GLI3: variants seen among roughly 807,000 people sequenced by gnomAD.
GLI3 encodes the protein GLI family zinc finger 3.
Under a neutral mutation model 100.8 loss-of-function variants are expected in GLI3, and 20 were observed. That is an observed-to-expected ratio of 0.20 (90% confidence interval 0.14 to 0.29). GLI3 has a LOEUF of 0.29. GLI3 is among the 10% of genes least tolerant of loss of function. GLI3 has a pLI of 1.00. For synonymous variants in GLI3, 938 were observed against 860.5 expected (o/e 1.09, Z -1.58); for missense variants, 2,040 against 2,128.5 (o/e 0.96, Z 0.82).
chr7:42,122,239 T>C (rs917127399), intron 3 of GLI3, among the ~76,000 whole-genome samples: 1 of 135,218 alleles, frequency 7.4e-6, no homozygotes, highest in Admixed American at 8.4e-5. Flanking sequence ...ATATATGTAT[T>C]TTATTGAAAA....
At chr7:42,143,591 G>A (rs1236003647) in intron 3 of GLI3, among the ~76,000 whole-genome samples, 1 of 152,164 alleles carries the variant, frequency 6.6e-6, no homozygotes, top group East Asian at 1.9e-4. Context: ...CAGTTTTTTA[G>A]CACACAAGAA....
chr7:42,096,023 G>A (rs1348393024), intron 3 of GLI3, among the ~76,000 whole-genome samples: 2 of 152,170 alleles, frequency 1.3e-5, no homozygotes, highest in Non-Finnish European at 2.9e-5. Context: ...GCCAGAGGGA[G>A]GAGGCAGTTT....
chr7:42,182,660 A>ATATATACATGTG (rs1554337053), intron 2 of GLI3, among the ~76,000 whole-genome samples: 59 of 59,106 alleles, frequency 1.0e-3, no homozygotes, highest in East Asian at 6.3e-3. Context: ...ATATATATAT[A>ATATATACATGTG]TATATATATA....
chr7:42,019,947 T>C (rs1194350326), intron 10 of GLI3, among the ~76,000 whole-genome samples: 7 of 152,118 alleles, frequency 4.6e-5, no homozygotes, highest in East Asian at 3.9e-4. Context: ...AGTAAATTTA[T>C]GACAAATTTA....
In GLI3 at chr7:42,127,844, T is replaced by TA. The variant is rs956811394; in HGVS notation, c.367+20381dup. On this transcript the variant is annotated intron_variant, in intron 3 of 14. Transcript: ENST00000395925. ...GCAACATGGCAAAACTCTATCTCTA[T>TA]AAAAAAAATACAAAATTATTAGCCA... 5.9e-5 allele frequency among the ~76,000 whole-genome samples: 9 copies of TA among 151,328 alleles called. No homozygotes were observed. In the South Asian group the frequency reaches 6.3e-4, roughly 11 times the overall value.
intron 4 of GLI3, among the ~76,000 whole-genome samples, chr7:42,057,077 C>G (rs867090564): frequency 7.9e-5 from 12 of 151,946 alleles, no homozygotes; most frequent in Admixed American, 2.0e-4. Flanking sequence ...AAAGAAATAG[C>G]CATTCACTCT....
chr7:42,100,077 T>C (rs144158162), intron 3 of GLI3, among the ~76,000 whole-genome samples: 81 of 152,376 alleles, frequency 5.3e-4, no homozygotes, highest in African/African-American at 1.6e-3. Context: ...AGCTTTCTCA[T>C]AGCAAGTGGG....
chr7:42,022,345 C>T (rs1414154554), intron 10 of GLI3, among the ~76,000 whole-genome samples: 4 of 152,026 alleles, frequency 2.6e-5, no homozygotes, highest in Non-Finnish European at 4.4e-5. Flanking sequence ...GTTCACACTG[C>T]CTATGAAACG....
At chr7:42,031,678 G>A (rs1241024587) in intron 7 of GLI3, among the ~76,000 whole-genome samples, 1 of 152,184 alleles carries the variant, frequency 6.6e-6, no homozygotes, top group Admixed American at 6.5e-5. Context: ...CAGACAAGGA[G>A]AAAAATGTGG....
At chr7:42,168,504 G>A (rs1266201053) in intron 2 of GLI3, among the ~76,000 whole-genome samples, 1 of 152,068 alleles carries the variant, frequency 6.6e-6, no homozygotes, top group Non-Finnish European at 1.5e-5. Context: ...CCACACAAAG[G>A]AATACTATAC....
intron 3 of GLI3, among the ~76,000 whole-genome samples, chr7:42,080,739 T>A (rs148299848): frequency 6.6e-6 from 1 of 152,264 alleles, no homozygotes; most frequent in East Asian, 1.9e-4. Context: ...TCTTGAAAAA[T>A]GCTCCTGAAT....
intron 1 of GLI3, among the ~76,000 whole-genome samples, chr7:42,228,778 TTTC>T (rs1788635375): frequency 6.6e-6 from 1 of 152,186 alleles, no homozygotes; most frequent in African/African-American, 2.4e-5. Context: ...CCAATGTGTT[TTTC>T]TTCATTAGCT....
intron 2 of GLI3, among the ~76,000 whole-genome samples, chr7:42,177,717 G>A (rs1225357467): frequency 1.3e-5 from 2 of 152,182 alleles, no homozygotes; most frequent in Admixed American, 1.3e-4. Context: ...ACATAGATGG[G>A]CCAGCAGAGA....
At chr7:42,012,186 C>T (rs550248160) in intron 10 of GLI3, among the ~76,000 whole-genome samples, 2 of 152,282 alleles carry the variant, frequency 1.3e-5, no homozygotes, top group Non-Finnish European at 2.9e-5. Flanking sequence ...TTATGGATCA[C>T]GTCACAATCT....
chr7:42,053,349 C>T (rs909929058), intron 4 of GLI3, among the ~76,000 whole-genome samples: 6 of 152,170 alleles, frequency 3.9e-5, no homozygotes, highest in Admixed American at 3.3e-4. Flanking sequence ...GGTTAAGCTC[C>T]TTAAATTTAT....
upstream of GLI3, among the ~76,000 whole-genome samples, chr7:42,238,938 C>G (rs189866056): frequency 2.6e-5 from 4 of 152,276 alleles, no homozygotes; most frequent in Admixed American, 2.6e-4. Context: ...GAATGATGAG[C>G]TATTAGAATT....
rs929112355 is a variant in GLI3 at position 42,028,705 on chromosome 7, G to A, written c.1029-2293C>T. 9.9e-5 allele frequency among the ~76,000 whole-genome samples: 15 copies of A among 151,764 alleles called. No homozygotes were observed. The East Asian group carries it at 1.2e-3, about 12-fold the overall frequency. On this transcript the variant is annotated intron_variant, in intron 7 of 14. Transcript: ENST00000395925. The stretch of plus-strand genomic sequence containing the variant: ...CTTGAACTGGAGAGGCGGAGGTTGC[G>A]GTGAGCCAAGATCGCGCCACTGCAC...
At chr7:41,986,294 T>C (rs1787820957) in intron 10 of GLI3, among the ~76,000 whole-genome samples, 1 of 152,214 alleles carries the variant, frequency 6.6e-6, no homozygotes, top group Non-Finnish European at 1.5e-5. Flanking sequence ...TTTTTTCTTA[T>C]GTGTAAGAAA....
chr7:41,984,179 A>G (rs1038649930), intron 10 of GLI3, among the ~76,000 whole-genome samples: 3 of 152,172 alleles, frequency 2.0e-5, no homozygotes, highest in African/African-American at 7.2e-5. Flanking sequence ...CTTTTCTTTC[A>G]CTAGCAGCAA....
Sources: gnomAD v4.1 joint callset for allele counts (sites outside exome capture counted in the v4.1 genomes callset) on GRCh38, gnomAD v4.1.1 for gene constraint, MANE v1.5 for transcripts, NCBI Gene and HGNC (gene_info 2026-07-23, HGNC 2026-07-21) for gene names.